CSRNP3: variants seen among roughly 807,000 people sequenced by gnomAD.
The protein encoded by CSRNP3 is cysteine/serine-rich nuclear protein 3.
CSRNP3 carries 12 observed loss-of-function variants against 48.0 expected under a neutral mutation model. The observed-to-expected ratio is 0.25, with a 90% CI of 0.16 to 0.41. The LOEUF (loss-of-function observed/expected upper bound fraction) is 0.41. CSRNP3 is among the 10% of genes least tolerant of loss of function. The pLI is 1.00. For synonymous variants in CSRNP3, 263 were observed against 269.7 expected (o/e 0.98, Z 0.24); for missense variants, 580 against 724.4 (o/e 0.80, Z 2.29).
At chr2:165,623,946 T>C (rs1456367903) in intron 4 of CSRNP3, among the ~76,000 whole-genome samples, 1 of 152,192 alleles carries the variant, frequency 6.6e-6, no homozygotes, top group Non-Finnish European at 1.5e-5. Context: ...GTCTGGCTTT[T>C]CTTGTCATAG....
intron 2 of CSRNP3, among the ~76,000 whole-genome samples, chr2:165,499,544 C>T (rs911144104): frequency 5.3e-5 from 8 of 152,052 alleles, no homozygotes; most frequent in South Asian, 4.1e-4. Context: ...TTTGTAAATA[C>T]GCTGGGAATG....
At chr2:165,599,283 GAGAA>G (rs752383197) in intron 4 of CSRNP3, among the ~76,000 whole-genome samples, 2,746 of 104,762 alleles carry the variant, frequency 0.026, 46 homozygotes, top group South Asian at 0.036. Flanking sequence ...AAGAGAGAGA[GAGAA>G]AGAAAGAAAG....
At chr2:165,553,797 C>A (rs550470060) in intron 3 of CSRNP3, among the ~76,000 whole-genome samples, 1 of 152,290 alleles carries the variant, frequency 6.6e-6, no homozygotes, top group South Asian at 2.1e-4. Flanking sequence ...GACACTGCAG[C>A]AGATGCCTCA....
chr2:165,597,508 T>C (rs570878527), intron 4 of CSRNP3, among the ~76,000 whole-genome samples: 1 of 152,092 alleles, frequency 6.6e-6, no homozygotes, highest in Non-Finnish European at 1.5e-5. Context: ...TTTTTAATAA[T>C]GAGGAAAGTT....
intron 3 of CSRNP3, among the ~76,000 whole-genome samples, chr2:165,557,846 A>C (rs1002848328): frequency 6.6e-6 from 1 of 152,202 alleles, no homozygotes; most frequent in East Asian, 1.9e-4. Flanking sequence ...TTCTCTTACT[A>C]TGTAGCCTGC....
intron 1 of CSRNP3, among the ~76,000 whole-genome samples, chr2:165,488,620 C>A (rs1036066851): frequency 2.9e-5 from 4 of 140,348 alleles, no homozygotes; most frequent in African/African-American, 1.1e-4. Flanking sequence ...TGCAATGAAA[C>A]TAGAACTCAG....
intron 4 of CSRNP3, among the ~76,000 whole-genome samples, chr2:165,650,630 G>T (rs1272100687): frequency 1.3e-5 from 2 of 152,090 alleles, no homozygotes; most frequent in Non-Finnish European, 2.9e-5. Context: ...GTCTTGATTT[G>T]TTCTTCAAAA....
chr2:165,623,164 T>C (rs1270308791), intron 4 of CSRNP3, among the ~76,000 whole-genome samples: 2 of 152,194 alleles, frequency 1.3e-5, no homozygotes, highest in Non-Finnish European at 2.9e-5. Flanking sequence ...TTAGGTATTA[T>C]AAGTAATCCA....
chr2:165,542,959 A>G (rs1684978476), intron 3 of CSRNP3, among the ~76,000 whole-genome samples: 1 of 152,184 alleles, frequency 6.6e-6, no homozygotes, highest in Admixed American at 6.5e-5. Flanking sequence ...GTGGTTGCGT[A>G]AGTAGCAGTA....
intron 1 of CSRNP3, among the ~76,000 whole-genome samples, chr2:165,477,690 C>T (rs1040645762): frequency 4.9e-5 from 7 of 143,220 alleles, no homozygotes; most frequent in East Asian, 4.4e-4. Flanking sequence ...AATTGTAGGC[C>T]GGTAGGCCAG....
chr2:165,511,519 A>G (rs1684505612), intron 2 of CSRNP3, among the ~76,000 whole-genome samples: 1 of 152,134 alleles, frequency 6.6e-6, no homozygotes, highest in Non-Finnish European at 1.5e-5. Flanking sequence ...GAGGAGAAGG[A>G]TGTTTCTTCA....
chr2:165,517,603 C>T (rs1684598327), intron 2 of CSRNP3, among the ~76,000 whole-genome samples: 1 of 151,730 alleles, frequency 6.6e-6, no homozygotes, highest in African/African-American at 2.4e-5. Flanking sequence ...CTTATTGTCC[C>T]AAATAATATT....
At chr2:165,635,241 A>T (rs926147076) in intron 4 of CSRNP3, among the ~76,000 whole-genome samples, 4 of 152,166 alleles carry the variant, frequency 2.6e-5, no homozygotes, top group Admixed American at 2.6e-4. Flanking sequence ...GCTGACTGAG[A>T]TCATAGTGGA....
At chr2:165,528,168 G>A (rs1380827684) in intron 3 of CSRNP3, among the ~76,000 whole-genome samples, 2 of 152,000 alleles carry the variant, frequency 1.3e-5, no homozygotes, top group African/African-American at 4.8e-5. Flanking sequence ...CTTTTAATCA[G>A]GTTGTTTTTT....
chr2:165,474,137 A>G (rs1683928616), intron 1 of CSRNP3, among the ~76,000 whole-genome samples: 1 of 152,212 alleles, frequency 6.6e-6, no homozygotes, highest in African/African-American at 2.4e-5. Flanking sequence ...GCACATTCAT[A>G]AAAATGACAT....
At chr2:165,587,913 G>A (rs375576598) in intron 3 of CSRNP3, among the ~76,000 whole-genome samples, 8 of 152,048 alleles carry the variant, frequency 5.3e-5, no homozygotes, top group Non-Finnish European at 7.4e-5. Context: ...AGAAAAAAAC[G>A]GATATTAAAT....
chr2:165,629,552 G>A (rs1686497484), intron 4 of CSRNP3, among the ~76,000 whole-genome samples: 1 of 152,196 alleles, frequency 6.6e-6, no homozygotes, highest in Admixed American at 6.5e-5. Context: ...CTGTGAGGCA[G>A]CTGAGGCATC....
chr2:165,520,111 A>G (rs1684631718), intron 3 of CSRNP3, among the ~76,000 whole-genome samples: 2 of 152,236 alleles, frequency 1.3e-5, no homozygotes, highest in Non-Finnish European at 2.9e-5. Context: ...TACTACAAGT[A>G]TATGAAATCA....
At chr2:165,500,356 T>G (rs1219777305) in intron 2 of CSRNP3, among the ~76,000 whole-genome samples, 2 of 150,366 alleles carry the variant, frequency 1.3e-5, no homozygotes, top group Admixed American at 1.3e-4. Flanking sequence ...TATGTATATG[T>G]ATACATACAT....
Sources: gnomAD v4.1 joint callset for allele counts (sites outside exome capture counted in the v4.1 genomes callset) on GRCh38, gnomAD v4.1.1 for gene constraint, MANE v1.5 for transcripts, NCBI Gene and HGNC (gene_info 2026-07-23, HGNC 2026-07-21) for gene names.